Variants in PPP1R3D observed in about 807,000 individuals in gnomAD.
PPP1R3D encodes the protein PP1 subunit R6.
In PPP1R3D, 27 loss-of-function variants were observed where a neutral mutation model predicts 16.3. The ratio of observed to expected loss-of-function variants is 1.66; its 90% CI spans 1.22 to 2.29. The LOEUF (loss-of-function observed/expected upper bound fraction) is 2.29, where lower values mean the gene tolerates loss of function less well. Among genes scored for constraint, PPP1R3D ranks in the 30% most tolerant of loss-of-function variants. The pLI, the probability that PPP1R3D is intolerant of heterozygous loss-of-function variation, is 0.00. For synonymous variants in PPP1R3D, 223 were observed against 209.7 expected (o/e 1.06, Z -0.55); for missense variants, 472 against 438.3 (o/e 1.08, Z -0.69).
chr20:59,939,126 TTGTCCC>T lies in PPP1R3D; in HGVS notation c.800_805del (p.Trp267_Asn269delinsTyr). On this transcript the variant is annotated inframe_deletion, in exon 1 of 1. Coordinates refer to ENST00000370996, the MANE Select transcript of PPP1R3D (RefSeq NM_006242.4). Reference sequence around the variant, plus strand: ...GAGGCTGTAGTCTCGGTGGTCGTTGTTGTCCCAGTACTCGGCACCCGCCACTTGGTA... The same window carrying T: ...GAGGCTGTAGTCTCGGTGGTCGTTGTAGTACTCGGCACCCGCCACTTGGTA... 6.8e-7 allele frequency: 1 copy of T among 1,470,502 alleles called. No homozygotes were observed. The highest frequency in any genetic ancestry group is 9.1e-7 in the Non-Finnish European group (1 of 1,100,642). 91.1% of individuals were successfully genotyped at this position (1,470,502 alleles called of 1,614,324 possible).
At position 59,939,118 on chromosome 20, in the gene PPP1R3D, G is replaced by A. The variant is rs139860582; in HGVS notation, c.814C>T (p.His272Tyr). ...AGAEYWDNND[H>Y]RDYSLTCRNH... ...CGACATGTGAGGCTGTAGTCTCGGTGGTCGTTGTTGTCCCAGTACTCGGCA... is the reference window on the plus strand; with the variant it reads ...CGACATGTGAGGCTGTAGTCTCGGTAGTCGTTGTTGTCCCAGTACTCGGCA... The change falls in exon 1 of 1, where the codon CAC becomes TAC. Residue 272 changes from histidine to tyrosine, a missense_variant. His to Tyr is a moderately conservative substitution (Grantham distance 83, BLOSUM62 2). Coordinates refer to ENST00000370996, the MANE Select transcript of PPP1R3D (RefSeq NM_006242.4). 3.1e-6 allele frequency: 5 copies of A among 1,605,092 alleles called. No individual in the cohort carries two copies. Among genetic ancestry groups the A allele is most frequent in the Non-Finnish European group, 4.2e-6 (5 of 1,177,700 alleles).
Position 59,938,745 on chromosome 20 carries a change from C to T in PPP1R3D, c.*287G>A, listed in dbSNP as rs907777861. On this transcript the variant is annotated 3_prime_UTR_variant, in exon 1 of 1. Coordinates refer to ENST00000370996, the MANE Select transcript of PPP1R3D (RefSeq NM_006242.4). ...GCCTTTGCAAAACAAGCTGCTTGGG[C>T]CTCCCCAGAGGGCCCACCCTCCCAT... The T allele has an allele frequency of 2.0e-5, 6 of 303,764 alleles. No homozygotes were observed. The highest frequency in any genetic ancestry group is 1.3e-4 in the African/African-American group (6 of 46,434). The allele number at this position is 303,764 out of a possible 1,614,324, so 18.8% of individuals were successfully genotyped here.
chr20:59,939,475 G>C lies in PPP1R3D; in HGVS notation c.457C>G (p.His153Asp). ...GGCGGGAAATCGGGCACCAGGCAAT[G>C]CAGGGTGAACTCCAGGTCCTGGCTG... ...CSSQDLEFTL[H>D]CLVPDFPPPV... Residue 153 changes from histidine (H) to aspartate (D), a missense_variant, in exon 1 of 1, where the codon CAT (histidine) becomes GAT (aspartate). His to Asp is a moderately conservative substitution (Grantham distance 81). Coordinates refer to ENST00000370996, the MANE Select transcript of PPP1R3D (RefSeq NM_006242.4). The C allele has an allele frequency of 6.2e-7, 1 of 1,612,180 alleles. No homozygotes were observed. Among genetic ancestry groups the C allele is most frequent in the Non-Finnish European group, 8.5e-7 (1 of 1,179,742 alleles).
At position 59,939,614 on chromosome 20, in the gene PPP1R3D, G is replaced by C. The variant is rs369153560; in HGVS notation, c.318C>G (p.Ala106=). The C allele has an allele frequency of 1.6e-4, 257 of 1,589,072 alleles. No homozygotes were observed. The highest frequency in any genetic ancestry group is 2.0e-4 in the Non-Finnish European group (233 of 1,169,576). Residue 106 remains alanine, a synonymous_variant, in exon 1 of 1, where the codon GCC becomes GCG. Coordinates refer to ENST00000370996, the MANE Select transcript of PPP1R3D (RefSeq NM_006242.4). ...GCSQKLRVRF[A]DALGLELAQV... ...GTGCCAGCTCCAAGCCCAGGGCGTC[G>C]GCGAAGCGCACGCGGAGCTTCTGGC...
In PPP1R3D at chr20:59,937,424, T is replaced by C. The variant is rs993051729; in HGVS notation, c.*1608A>G. On this transcript the variant is annotated 3_prime_UTR_variant, in exon 1 of 1. Transcript: ENST00000370996. ...TTCAAGCCAAAATTCAGTGTTCTTA[T>C]ATTAAAAGATACCGAAGAAAGCTAT... is the stretch of plus-strand genomic sequence containing the variant. 4 of 152,736 alleles carry C rather than the reference T, an allele frequency of 2.6e-5. No individual in the cohort carries two copies. Among genetic ancestry groups the C allele is most frequent in the African/African-American group, 7.2e-5 (3 of 41,586 alleles). 9.5% of individuals were successfully genotyped at this position (152,736 alleles called of 1,614,324 possible). A position where few individuals can be genotyped will look rare whatever the true frequency, so the allele number is the denominator to read the frequency against.
chr20:59,938,285 T>C lies in PPP1R3D; in HGVS notation c.*747A>G, dbSNP rs1426976682. The C allele has an allele frequency of 1.3e-5, 2 of 152,260 alleles. No homozygotes were observed. Among genetic ancestry groups the C allele is most frequent in the African/African-American group, 4.8e-5 (2 of 41,452 alleles). The allele number at this position is 152,260 out of a possible 1,614,324, so 9.4% of individuals were successfully genotyped here. A position where few individuals can be genotyped will look rare whatever the true frequency, so the allele number is the denominator to read the frequency against. On this transcript the variant is annotated 3_prime_UTR_variant, in exon 1 of 1. Transcript: ENST00000370996. ...AGAATTGTGAATGCAGAGAAATAAC[T>C]GTTTTGCTAGTTTAAAAGTCTGAAG...
At position 59,939,505 on chromosome 20, in the gene PPP1R3D, A is replaced by G; in HGVS notation, c.427T>C (p.Cys143Arg). Residue 143 changes from cysteine to arginine, a missense_variant, in exon 1 of 1, where the codon TGC (cysteine) becomes CGC (arginine). Physicochemically the swap from Cys to Arg is radical, Grantham distance 180. Coordinates refer to ENST00000370996, the MANE Select transcript of PPP1R3D (RefSeq NM_006242.4). ...SRLAINSDLC[C>R]SSQDLEFTLH... ...GTGAACTCCAGGTCCTGGCTGCTGC[A>G]GCACAGGTCCGAGTTGATTGCGAGC... The G allele has an allele frequency of 6.2e-7, 1 of 1,612,222 alleles. No homozygotes were observed. The highest frequency in any genetic ancestry group is 1.1e-5 in the South Asian group (1 of 91,088).
rs970884993 is a variant in PPP1R3D, at chr20:59,940,199, G to A, written c.-268C>T. The A allele has an allele frequency of 5.7e-6, 2 of 353,362 alleles. No individual in the cohort carries two copies. The highest frequency in any genetic ancestry group is 1.1e-5 in the Non-Finnish European group (2 of 188,878). 21.9% of individuals were successfully genotyped at this position (353,362 alleles called of 1,614,324 possible). A position where few individuals can be genotyped will look rare whatever the true frequency, so the allele number is the denominator to read the frequency against. ...TTCAGAGGCCTCCCGGGAGCGCAGGGTAGCGCCTCTTTTTTCTTCTTGCTT... is the reference window on the plus strand; with the variant it reads ...TTCAGAGGCCTCCCGGGAGCGCAGGATAGCGCCTCTTTTTTCTTCTTGCTT... On this transcript the variant is annotated 5_prime_UTR_variant, in exon 1 of 1. Coordinates refer to ENST00000370996, the MANE Select transcript of PPP1R3D (RefSeq NM_006242.4).
In PPP1R3D at chr20:59,939,735, G is replaced by C. The variant is rs2060887766; in HGVS notation, c.197C>G (p.Pro66Arg). Reference protein sequence around the residue: ...APSGCDPRLRPIILRRARSLP... With the variant: ...APSGCDPRLRRIILRRARSLP... ...TGAGCGCGCCCGCCGCAGGATGATG[G>C]GCCGCAGGCGGGGGTCGCAGCCCGA... Residue 66 changes from proline to arginine, a missense_variant, in exon 1 of 1, where the codon CCC (proline) becomes CGC (arginine). Transcript: ENST00000370996. The C allele has an allele frequency of 5.6e-6, 7 of 1,247,752 alleles. No individual in the cohort carries two copies. The highest frequency in any genetic ancestry group is 6.0e-6 in the Non-Finnish European group (6 of 998,082). 77.3% of individuals were successfully genotyped at this position (1,247,752 alleles called of 1,614,324 possible).
chr20:59,939,155 G>C lies in PPP1R3D; in HGVS notation c.777C>G (p.Tyr259Ter). Residue 259 changes from tyrosine to a stop codon, truncating the protein, a stop_gained, in exon 1 of 1, where the codon TAC becomes TAG. Coordinates refer to ENST00000370996, the MANE Select transcript of PPP1R3D (RefSeq NM_006242.4). LOFTEE classifies it high-confidence loss of function. ...LGSRVHFAVR[Y>*]QVAGAEYWDN... The stretch of plus-strand genomic sequence containing the variant: ...CCCAGTACTCGGCACCCGCCACTTG[G>C]TAGCGCACCGCGAAGTGCACGCGGG... The C allele has an allele frequency of 6.2e-7, 1 of 1,611,756 alleles. No individual in the cohort carries two copies. The highest frequency in any genetic ancestry group is 8.5e-7 in the Non-Finnish European group (1 of 1,178,746).
rs1420061588 is a variant in PPP1R3D at position 59,937,450 on chromosome 20, C to T, written c.*1582G>A. ...ATTAAAAGATACCGAAGAAAGCTAT[C>T]CTTGTTCTTTGAATTATAAAAGCAC... On this transcript the variant is annotated 3_prime_UTR_variant, in exon 1 of 1. Transcript: ENST00000370996. 6.6e-6 allele frequency: 1 copy of T among 152,460 alleles called. No homozygotes were observed. Among genetic ancestry groups the T allele is most frequent in the Non-Finnish European group, 1.5e-5 (1 of 68,032 alleles). The allele number at this position is 152,460 out of a possible 1,614,324, so 9.4% of individuals were successfully genotyped here.
chr20:59,939,238 T>C lies in PPP1R3D; in HGVS notation c.694A>G (p.Thr232Ala), dbSNP rs866681482. ...RWRGPAGPEG[T>A]EDVFTFGFPV... ...AAGCCGAAGGTGAAAACGTCCTCCG[T>C]GCCCTCGGGGCCTGCGGGCCCGCGC... The change falls in exon 1 of 1, where the codon ACG (threonine) becomes GCG (alanine). Residue 232 changes from threonine (T) to alanine (A), a missense_variant. By Grantham distance (58) the Thr-to-Ala change is moderately conservative (BLOSUM62 0). Transcript: ENST00000370996. The C allele has an allele frequency of 6.2e-7, 1 of 1,611,290 alleles. No individual in the cohort carries two copies. Among genetic ancestry groups the C allele is most frequent in the African/African-American group, 1.3e-5 (1 of 74,954 alleles).
At position 59,939,562 on chromosome 20, in the gene PPP1R3D, C is replaced by A. The variant is rs749325340; in HGVS notation, c.370G>T (p.Asp124Tyr). 6.2e-7 allele frequency: 1 copy of A among 1,611,330 alleles called. No homozygotes were observed. The highest frequency in any genetic ancestry group is 1.1e-5 in the South Asian group (1 of 91,010). The change falls in exon 1 of 1, where the codon GAC becomes TAC. Residue 124 changes from aspartate (D) to tyrosine (Y), a missense_variant. By Grantham distance (160) the Asp-to-Tyr change is radical. Transcript: ENST00000370996. ...AQVKVFNAGD[D>Y]PSVPLHVLSR... ...AGCACGTGCAGCGGCACGGACGGGT[C>A]GTCTCCCGCGTTGAACACCTTGACC...
rs1249126879 is a variant in PPP1R3D at position 59,937,829 on chromosome 20, A to G, written c.*1203T>C. 1 of 152,576 alleles carries G rather than the reference A, an allele frequency of 6.6e-6. No individual in the cohort carries two copies. Among genetic ancestry groups the G allele is most frequent in the Non-Finnish European group, 1.5e-5 (1 of 68,030 alleles). 9.5% of individuals were successfully genotyped at this position (152,576 alleles called of 1,614,324 possible). A position where few individuals can be genotyped will look rare whatever the true frequency, so the allele number is the denominator to read the frequency against. ...CTTGGTTGACGGTTTAAAAACATAAAAGAATTTTATATTTTAAAACTGACA... is the reference window on the plus strand; with the variant it reads ...CTTGGTTGACGGTTTAAAAACATAAGAGAATTTTATATTTTAAAACTGACA... On this transcript the variant is annotated 3_prime_UTR_variant, in exon 1 of 1. Transcript: ENST00000370996.
chr20:59,939,734 G>A lies in PPP1R3D; in HGVS notation c.198C>T (p.Pro66=). 8.0e-7 allele frequency: 1 copy of A among 1,252,314 alleles called. No individual in the cohort carries two copies. Among genetic ancestry groups the A allele is most frequent in the South Asian group, 3.2e-5 (1 of 30,772 alleles). 77.6% of individuals were successfully genotyped at this position (1,252,314 alleles called of 1,614,324 possible). Residue 66 remains proline (P), a synonymous_variant, in exon 1 of 1, where the codon CCC becomes CCT. Transcript: ENST00000370996. The stretch of plus-strand genomic sequence containing the variant: ...GTGAGCGCGCCCGCCGCAGGATGAT[G>A]GGCCGCAGGCGGGGGTCGCAGCCCG... The part of the protein sequence containing the change: ...APSGCDPRLR[P]IILRRARSLP...
In PPP1R3D at chr20:59,937,374, A is replaced by G. The variant is rs759527897; in HGVS notation, c.*1658T>C. 4 of 152,658 alleles carry G rather than the reference A, an allele frequency of 2.6e-5. No individual in the cohort carries two copies. Among genetic ancestry groups the G allele is most frequent in the Non-Finnish European group, 5.9e-5 (4 of 68,042 alleles). The allele number at this position is 152,658 out of a possible 1,614,324, so 9.5% of individuals were successfully genotyped here. Reference sequence around the variant, plus strand: ...TGTAGTGAACAGTGCTAATAGCCAGAGATTGTGCAATTTAGTCACAATATT... The same window carrying G: ...TGTAGTGAACAGTGCTAATAGCCAGGGATTGTGCAATTTAGTCACAATATT... On this transcript the variant is annotated 3_prime_UTR_variant, in exon 1 of 1. Transcript: ENST00000370996.
rs911578650 is a variant in PPP1R3D, at chr20:59,939,891, A to G, written c.41T>C (p.Leu14Pro). The G allele has an allele frequency of 2.4e-6, 3 of 1,253,680 alleles. No individual in the cohort carries two copies. Among genetic ancestry groups the G allele is most frequent in the Non-Finnish European group, 3.0e-6 (3 of 996,298 alleles). The allele number at this position is 1,253,680 out of a possible 1,614,324, so 77.7% of individuals were successfully genotyped here. ...GPSSAVLPSALGSRKLGPRSL... is the reference protein window; with the variant it reads ...GPSSAVLPSAPGSRKLGPRSL... ...CCGGGGGCCGAGCTTCCGGGATCCC[A>G]GGGCGCTAGGCAGGACCGCGGAGCT... The change falls in exon 1 of 1, where the codon CTG becomes CCG. Residue 14 changes from leucine (L) to proline (P), a missense_variant. Transcript: ENST00000370996.
In PPP1R3D at chr20:59,939,035, G is replaced by A; in HGVS notation, c.897C>T (p.Ile299=). Residue 299 remains isoleucine (I), a synonymous_variant, in exon 1 of 1, where the codon ATC becomes ATT. Coordinates refer to ENST00000370996, the MANE Select transcript of PPP1R3D (RefSeq NM_006242.4). The part of the protein sequence containing the change: ...GECEESWIHF[I] ...AGGTGGCCGGTCCCCGCGCGGCTCA[G>A]ATGAAGTGGATCCAGCTCTCTTCGC... 6.6e-7 allele frequency: 1 copy of A among 1,526,312 alleles called. No homozygotes were observed. Among genetic ancestry groups the A allele is most frequent in the Admixed American group, 2.0e-5 (1 of 48,956 alleles). The allele number at this position is 1,526,312 out of a possible 1,614,324, so 94.5% of individuals were successfully genotyped here.
At position 59,939,944 on chromosome 20, in the gene PPP1R3D, C is replaced by A; in HGVS notation, c.-13G>T. The stretch of plus-strand genomic sequence containing the variant: ...GGCCTCTGGACATGGCCCCGCCGGC[C>A]GTCGGAAGATGAGGCAGGGATGAGA... On this transcript the variant is annotated 5_prime_UTR_variant, in exon 1 of 1. Transcript: ENST00000370996. 1.6e-6 allele frequency: 2 copies of A among 1,265,202 alleles called. No homozygotes were observed. The highest frequency in any genetic ancestry group is 2.0e-6 in the Non-Finnish European group (2 of 999,506). The allele number at this position is 1,265,202 out of a possible 1,614,324, so 78.4% of individuals were successfully genotyped here.
Sources: allele counts gnomAD v4.1 joint callset, GRCh38; gene constraint gnomAD v4.1.1; transcripts MANE v1.5; gene names NCBI Gene and HGNC (gene_info 2026-07-23, HGNC 2026-07-21).